Variants in ERC1 observed in about 807,000 individuals in gnomAD.
The protein encoded by ERC1 is ELKS/RAB6-interacting/CAST family member 1.
Under a neutral mutation model 132.0 loss-of-function variants are expected in ERC1, and 56 were observed. The observed-to-expected ratio is 0.42, with a 90% CI of 0.34 to 0.53. ERC1 has a LOEUF of 0.53. Ranked by LOEUF, ERC1 falls within the 20% of genes least tolerant of loss-of-function variation. The pLI is 0.03. For missense variants in ERC1, 1,202 were observed against 1,349.9 expected (o/e 0.89, Z 1.72); for synonymous variants, 478 against 476.1 (o/e 1.00, Z -0.05).
At chr12:1,374,225 A>G (rs1591606635) in intron 16 of ERC1, among the ~76,000 whole-genome samples, 1 of 152,232 alleles carries the variant, frequency 6.6e-6, no homozygotes, top group African/African-American at 2.4e-5. Context: ...GTCAGCATTG[A>G]CCAGGCTTTC....
chr12:1,136,009 A>G (rs955705692), intron 7 of ERC1, among the ~76,000 whole-genome samples: 1 of 152,236 alleles, frequency 6.6e-6, no homozygotes, highest in Non-Finnish European at 1.5e-5. Context: ...ATATAATGTC[A>G]TGTCAGAAAT....
At chr12:1,135,175 C>T (rs1364136891) in intron 7 of ERC1, among the ~76,000 whole-genome samples, 1 of 152,180 alleles carries the variant, frequency 6.6e-6, no homozygotes, top group Non-Finnish European at 1.5e-5. Context: ...ATTTTGCTTC[C>T]TGTTCCAACC....
intron 18 of ERC1, among the ~76,000 whole-genome samples, chr12:1,473,675 C>T (rs1270526737): frequency 1.3e-5 from 2 of 151,702 alleles, no homozygotes; most frequent in East Asian, 1.9e-4. Flanking sequence ...AGGAGAAGTC[C>T]CCACAGCAGC....
At chr12:1,425,463 T>C (rs2092605993) in intron 17 of ERC1, among the ~76,000 whole-genome samples, 1 of 152,228 alleles carries the variant, frequency 6.6e-6, no homozygotes, top group Non-Finnish European at 1.5e-5. Flanking sequence ...AATCTCTGAC[T>C]GTCCTAAGAC....
chr12:1,110,206 C>T lies in ERC1; in HGVS notation c.1176C>T (p.Ser392=), dbSNP rs1296007193. The T allele has an allele frequency of 6.2e-7, 1 of 1,608,668 alleles. No individual in the cohort carries two copies. The highest frequency in any genetic ancestry group is 1.1e-5 in the South Asian group (1 of 89,724). ...ATTGTCTTCAGGATTCAAAAATTTCCTCTATGGAGCGTGGGCTTCGAGACC... is the reference window on the plus strand; with the variant it reads ...ATTGTCTTCAGGATTCAAAAATTTCTTCTATGGAGCGTGGGCTTCGAGACC... ...TVIEMKDSKI[S]SMERGLRDLE... is the part of the protein sequence containing the mutation. The change falls in exon 5 of 19, where the codon TCC becomes TCT. Residue 392 remains serine (S), a synonymous_variant. Coordinates refer to ENST00000360905, the MANE Select transcript of ERC1 (RefSeq NM_178040.4).
chr12:991,864 GT>G (rs995009997), intron 1 of ERC1: 12 of 151,568 alleles, frequency 7.9e-5, no homozygotes, highest in Admixed American at 5.9e-4. Context: ...AAGATGAAGT[GT>G]ATTTCAAAAG....
At chr12:1,318,142 A>G (rs2081894309) in intron 15 of ERC1, among the ~76,000 whole-genome samples, 1 of 152,200 alleles carries the variant, frequency 6.6e-6, no homozygotes, top group African/African-American at 2.4e-5. Flanking sequence ...ATCAAGGAAT[A>G]TTGTAATTTG....
At position 1,254,102 on chromosome 12, in the gene ERC1, C is replaced by T. The variant is rs116343209; in HGVS notation, c.2488-8932C>T. On this transcript the variant is annotated intron_variant, in intron 13 of 18. Transcript: ENST00000360905. ...AATGGTAGGAAAAATGGTCTGGGTT[C>T]GTTTTGGTGAGTGCAAATGTGGTTA... 2.7e-3 allele frequency among the ~76,000 whole-genome samples: 415 copies of T among 152,196 alleles called. 5 individuals are homozygous for T. The highest frequency in any genetic ancestry group is 9.8e-3 in the African/African-American group (406 of 41,518).
intron 13 of ERC1, among the ~76,000 whole-genome samples, chr12:1,243,428 C>G (rs1252133108): frequency 6.6e-6 from 1 of 151,444 alleles, no homozygotes; most frequent in Non-Finnish European, 1.5e-5. Context: ...TGTAATGAAA[C>G]GTGAGAGATA....
chr12:1,486,276 A>G (rs1268242458), intron 18 of ERC1, among the ~76,000 whole-genome samples: 1 of 152,256 alleles, frequency 6.6e-6, no homozygotes, highest in South Asian at 2.1e-4. Context: ...AAATACACAC[A>G]TACATAAAGC....
At chr12:1,210,766 C>T (rs1429001685) in intron 12 of ERC1, among the ~76,000 whole-genome samples, 1 of 152,060 alleles carries the variant, frequency 6.6e-6, no homozygotes, top group Non-Finnish European at 1.5e-5. Context: ...GAGGCCGAGG[C>T]AGATGGATCA....
intron 16 of ERC1, among the ~76,000 whole-genome samples, chr12:1,395,741 G>A (rs2090481698): frequency 6.6e-6 from 1 of 152,096 alleles, no homozygotes; most frequent in Admixed American, 6.5e-5. Flanking sequence ...TGATGAGATG[G>A]AAGAGAACAG....
chr12:1,447,911 A>G (rs914305972), intron 18 of ERC1, among the ~76,000 whole-genome samples: 1 of 152,128 alleles, frequency 6.6e-6, no homozygotes, highest in African/African-American at 2.4e-5. Flanking sequence ...TGGCCTCCCA[A>G]AGTGCTAGGA....
rs1045934042 is a variant in ERC1 at position 1,344,462 on chromosome 12, G to C, written c.2781-27371G>C. 2.0e-5 allele frequency among the ~76,000 whole-genome samples: 3 copies of C among 152,166 alleles called. No individual in the cohort carries two copies. In the East Asian group the frequency reaches 5.8e-4, roughly 29 times the overall value. ...AAGGAGAGACTGGAACCACATGAAG[G>C]CTTGTGCTGTGAAACCCTGAAACCC... On this transcript the variant is annotated intron_variant, in intron 15 of 18. Coordinates refer to ENST00000360905, the MANE Select transcript of ERC1 (RefSeq NM_178040.4).
At chr12:1,416,929 C>G (rs1020996656) in intron 17 of ERC1, among the ~76,000 whole-genome samples, 5 of 152,070 alleles carry the variant, frequency 3.3e-5, no homozygotes, top group African/African-American at 1.2e-4. Flanking sequence ...CATTAATACC[C>G]TTCCTGCTTT....
intron 13 of ERC1, among the ~76,000 whole-genome samples, chr12:1,239,319 G>A (rs940334942): frequency 1.3e-5 from 2 of 152,110 alleles, no homozygotes; most frequent in Admixed American, 6.5e-5. Flanking sequence ...GCCTCCCAAA[G>A]TGCTAGGACT....
At chr12:1,199,344 A>G (rs1956673871) in intron 12 of ERC1, among the ~76,000 whole-genome samples, 1 of 152,260 alleles carries the variant, frequency 6.6e-6, no homozygotes, top group Non-Finnish European at 1.5e-5. Flanking sequence ...CTCATCTGGA[A>G]CTATTAGCTC....
chr12:1,392,901 A>G lies in ERC1; in HGVS notation c.2926-15248A>G, dbSNP rs1276895051. The stretch of plus-strand genomic sequence containing the variant: ...GAGAATAGAGAAAATCAAGAGTGCA[A>G]TAGTAGCTGTGGGAAAATTTTAACA... On this transcript the variant is annotated intron_variant, in intron 16 of 18. Coordinates refer to ENST00000360905, the MANE Select transcript of ERC1 (RefSeq NM_178040.4). Among the ~76,000 whole-genome samples, 6 of 152,212 alleles carry G rather than the reference A, an allele frequency of 3.9e-5. No individual in the cohort carries two copies. In the South Asian group the frequency reaches 6.2e-4, roughly 16 times the overall value.
chr12:1,293,431 C>T (rs1312381929), intron 15 of ERC1, among the ~76,000 whole-genome samples: 1 of 121,088 alleles, frequency 8.3e-6, no homozygotes, highest in Admixed American at 7.9e-5. Flanking sequence ...CCAGCCTGGG[C>T]GACAGAGCAA....
Sources: allele counts gnomAD v4.1 joint callset (sites outside exome capture counted in the v4.1 genomes callset), GRCh38; gene constraint gnomAD v4.1.1; transcripts MANE v1.5; gene names NCBI Gene and HGNC (gene_info 2026-07-23, HGNC 2026-07-21).